UBA3: variants seen among roughly 807,000 people sequenced by gnomAD.
The protein encoded by UBA3 is NEDD8-activating enzyme E1 catalytic subunit.
UBA3 carries 26 observed loss-of-function variants against 73.5 expected under a neutral mutation model. The observed-to-expected ratio is 0.35, with a 90% confidence interval of 0.26 to 0.49. The LOEUF is 0.49. Ranked by LOEUF, UBA3 falls within the 20% of genes least tolerant of loss-of-function variation. The pLI is 0.98. For missense variants in UBA3, 495 were observed against 555.6 expected, an observed-to-expected ratio of 0.89 and a Z score of 1.10; for synonymous variants, 217 against 191.2, an observed-to-expected ratio of 1.13 and a Z score of -1.11.
At chr3:69,071,740 C>A in intron 4 of UBA3, 123 bp from the exon 5 acceptor site, 1 of 588,616 alleles carries the variant, frequency 1.7e-6, no homozygotes. Flanking sequence ...AATTTGTATT[C>A]AATGGCTGAA....
chr3:69,072,491 T>C (rs998726170), intron 4 of UBA3, among the ~76,000 whole-genome samples: 1 of 152,314 alleles, frequency 6.6e-6, no homozygotes, highest in East Asian at 1.9e-4. Flanking sequence ...CAATTCTCAA[T>C]CTATCTGACC....
intron 11 of UBA3, among the ~76,000 whole-genome samples, chr3:69,060,966 A>C (rs1442785935): frequency 2.0e-5 from 3 of 152,248 alleles, no homozygotes; most frequent in Non-Finnish European, 4.4e-5. Context: ...CAGCCTGCAG[A>C]ACCATGAGCC....
intron 2 of UBA3, among the ~76,000 whole-genome samples, chr3:69,078,466 T>C (rs996249873): frequency 2.6e-4 from 39 of 152,128 alleles, no homozygotes; most frequent in African/African-American, 9.4e-4. Context: ...AATAAGGTTA[T>C]TTTTTCTTTT....
rs554798549 is a variant in UBA3 at position 69,058,151 on chromosome 3, C to T, written c.911-842G>A. 8.5e-5 allele frequency among the ~76,000 whole-genome samples: 13 copies of T among 152,142 alleles called. No individual in the cohort carries two copies. The East Asian group carries it at 1.4e-3, about 16-fold the overall frequency. On this transcript the variant is annotated intron_variant, in intron 11 of 17. Coordinates refer to ENST00000361055, the MANE Select transcript of UBA3 (RefSeq NM_003968.4). The stretch of plus-strand genomic sequence containing the variant: ...TTCACCGTGTTAGCCACGATGGTCT[C>T]GATATCCTGACCTTGTGATCCGCCC...
intron 11 of UBA3, among the ~76,000 whole-genome samples, chr3:69,057,828 C>CA (rs971427543): frequency 1.7e-4 from 26 of 149,066 alleles, no homozygotes; most frequent in Admixed American, 3.3e-4. Context: ...CACAAACATT[C>CA]AAAAAAAAGA....
At chr3:69,058,388 T>C (rs1292444559) in intron 11 of UBA3, among the ~76,000 whole-genome samples, 2 of 152,204 alleles carry the variant, frequency 1.3e-5, no homozygotes, top group African/African-American at 2.4e-5. Context: ...CACTGTAAGA[T>C]GTGTTCCCAA....
intron 1 of UBA3, 63 bp downstream of exon 1, chr3:69,080,271 C>T (rs940283418): frequency 1.3e-6 from 2 of 1,588,880 alleles, no homozygotes; most frequent in African/African-American, 1.3e-5. Context: ...CGGCAACCGC[C>T]CACCGCCGCG....
intron 10 of UBA3, 57 bp from the exon 11 acceptor site, chr3:69,061,984 C>T (rs1442563322): frequency 4.9e-6 from 7 of 1,430,784 alleles, no homozygotes; most frequent in Non-Finnish European, 5.8e-6. Context: ...TACGTAATCA[C>T]AAAACAATGT....
rs904596048 is a variant in UBA3, at chr3:69,071,471, A to C, written c.347+64T>G. 5 of 843,246 alleles carry C rather than the reference A, an allele frequency of 5.9e-6. No homozygotes were observed. The Admixed American group carries it at 1.6e-4, about 27-fold the overall frequency. The allele number at this position is 843,246 out of a possible 1,614,324, so 52.2% of individuals were successfully genotyped here. A position where few individuals can be genotyped will look rare whatever the true frequency, so the allele number is the denominator to read the frequency against. On this transcript the variant is annotated intron_variant, in intron 5 of 17. Coordinates refer to ENST00000361055, the MANE Select transcript of UBA3 (RefSeq NM_003968.4). ...CATTTTTAAAAATTATTAAACTGCAATGTACAAGTTCAAATGATTATCAGA... is the reference window on the plus strand; with the variant it reads ...CATTTTTAAAAATTATTAAACTGCACTGTACAAGTTCAAATGATTATCAGA...
chr3:69,078,240 A>G (rs1343094320), intron 2 of UBA3, among the ~76,000 whole-genome samples: 5 of 152,158 alleles, frequency 3.3e-5, no homozygotes, highest in Non-Finnish European at 5.9e-5. Context: ...ACTTCTCTAC[A>G]TTTGGTATTT....
intron 6 of UBA3, 115 bp downstream of exon 6, chr3:69,067,813 A>G: frequency 1.6e-6 from 1 of 644,136 alleles, no homozygotes; most frequent in Non-Finnish European, 2.6e-6. Flanking sequence ...TAATAAAGTT[A>G]CTACTGCTGA....
chr3:69,075,525 A>G lies in UBA3; in HGVS notation c.184-15T>C. The G allele has an allele frequency of 1.3e-6, 2 of 1,500,792 alleles. No individual in the cohort carries two copies. The highest frequency in any genetic ancestry group is 1.3e-5 in the South Asian group (1 of 76,088). The allele number at this position is 1,500,792 out of a possible 1,614,324, so 93.0% of individuals were successfully genotyped here. A position where few individuals can be genotyped will look rare whatever the true frequency, so the allele number is the denominator to read the frequency against. ...AACTGGAGAGACTGTAAAGAATGGA[A>G]AGGCATATTAAAAGCTGGGTGATAA... On this transcript the variant is annotated splice_polypyrimidine_tract_variant and intron_variant, in intron 3 of 17. Transcript: ENST00000361055.
chr3:69,060,772 G>A (rs1310838706), intron 11 of UBA3, among the ~76,000 whole-genome samples: 1 of 152,168 alleles, frequency 6.6e-6, no homozygotes, highest in Non-Finnish European at 1.5e-5. Context: ...TGCATGGCTT[G>A]GTGCCCTCCC....
rs2091965268 is a variant in UBA3, at chr3:69,055,534, G to A, written c.1304-9C>T. On this transcript the variant is annotated splice_polypyrimidine_tract_variant and intron_variant, in intron 17 of 17. Coordinates refer to ENST00000361055, the MANE Select transcript of UBA3 (RefSeq NM_003968.4). ...ATCAACAAGCCCCAATTCTAAAACA[G>A]AAAAAATATTATTAATACAAGCAAA... is the stretch of plus-strand genomic sequence containing the variant. The A allele has an allele frequency of 3.2e-6, 5 of 1,571,060 alleles. No individual in the cohort carries two copies. The East Asian group carries it at 6.9e-5, about 22-fold the overall frequency.
chr3:69,065,070 T>C (rs183324781), intron 6 of UBA3, among the ~76,000 whole-genome samples: 9 of 152,150 alleles, frequency 5.9e-5, no homozygotes, highest in Admixed American at 3.3e-4. Context: ...AGAACGAAGC[T>C]ACAGCTAGAA....
chr3:69,057,202 C>A lies in UBA3; in HGVS notation c.964+54G>T, dbSNP rs191131430. 1.4e-3 allele frequency: 2,199 copies of A among 1,557,218 alleles called. 6 individuals are homozygous for A. The highest frequency in any genetic ancestry group is 2.2e-3 in the Middle Eastern group (13 of 5,952). The stretch of plus-strand genomic sequence containing the variant: ...CTACAACACAAAAAAGCTGCAGCAA[C>A]GTCAAAAACTAAAGAAAGCAAAATA... On this transcript the variant is annotated intron_variant, in intron 12 of 17. Coordinates refer to ENST00000361055, the MANE Select transcript of UBA3 (RefSeq NM_003968.4).
In UBA3 at chr3:69,080,126, C is replaced by T. The variant is rs1031306158; in HGVS notation, c.48G>A (p.Glu16=). 1.2e-6 allele frequency: 2 copies of T among 1,609,158 alleles called. No individual in the cohort carries two copies. Among genetic ancestry groups the T allele is most frequent in the Non-Finnish European group, 1.7e-6 (2 of 1,178,854 alleles). The part of the protein sequence containing the change: ...EPEKKRRRIE[E]LLAEKMAVDG... ...GCAGCACTAACTTCTCAGCCAGCAG[C>T]TCCTCTATTCTCCTTCTTTTCTTCT... Residue 16 remains glutamate, a synonymous_variant, in exon 2 of 18, where the codon GAG becomes GAA. Transcript: ENST00000361055.
At position 69,075,434 on chromosome 3, in the gene UBA3, T is replaced by G; in HGVS notation, c.260A>C (p.Asn87Thr). The part of the protein sequence containing the change: ...AGGLGCELLK[N>T]LALSGFRQIH... The stretch of plus-strand genomic sequence containing the variant: ...ATATATATGTATATATATTACCAGA[T>G]TTTTCAGGAGCTCACATCCTAAGCC... The change falls in exon 4 of 18, where the codon AAT (asparagine) becomes ACT (threonine). Residue 87 changes from asparagine to threonine, a missense_variant. Coordinates refer to ENST00000361055, the MANE Select transcript of UBA3 (RefSeq NM_003968.4). The G allele has an allele frequency of 6.6e-7, 1 of 1,524,218 alleles. No individual in the cohort carries two copies. The highest frequency in any genetic ancestry group is 8.8e-7 in the Non-Finnish European group (1 of 1,136,772). 94.4% of individuals were successfully genotyped at this position (1,524,218 alleles called of 1,614,324 possible).
intron 5 of UBA3, among the ~76,000 whole-genome samples, chr3:69,068,536 T>C (rs893776447): frequency 5.6e-5 from 8 of 141,742 alleles, no homozygotes; most frequent in African/African-American, 2.1e-4. Context: ...CTGGACCGTA[T>C]ATAAAATGGA....
Sources: allele counts gnomAD v4.1 joint callset (sites outside exome capture counted in the v4.1 genomes callset), GRCh38; gene constraint gnomAD v4.1.1; transcripts MANE v1.5; gene names NCBI Gene and HGNC (gene_info 2026-07-23, HGNC 2026-07-21).